The following IGF1R variants were observed in gnomAD, a reference collection of about 807,000 sequenced individuals.
IGF1R encodes the protein insulin like growth factor 1 receptor.
IGF1R carries 44 observed loss-of-function variants against 144.6 expected under a neutral mutation model. The observed-to-expected ratio is 0.30, with a 90% confidence interval of 0.24 to 0.39. IGF1R has a LOEUF of 0.39. Ranked by LOEUF, IGF1R falls within the 10% of genes least tolerant of loss-of-function variation. The pLI is 1.00. For synonymous variants in IGF1R, 795 were observed against 722.8 expected (o/e 1.10, Z -1.60); for missense variants, 1,355 against 1,833.7 (o/e 0.74, Z 4.77).
intron 2 of IGF1R, among the ~76,000 whole-genome samples, chr15:98,779,795 G>A (rs567551024): frequency 1.6e-4 from 24 of 152,300 alleles, no homozygotes; most frequent in Non-Finnish European, 3.1e-4. Context: ...GAGGGCACAC[G>A]AGAGCAGGCT....
intron 2 of IGF1R, among the ~76,000 whole-genome samples, chr15:98,870,653 C>T (rs564702833): frequency 1.4e-4 from 21 of 152,272 alleles, no homozygotes; most frequent in African/African-American, 4.3e-4. Flanking sequence ...GTACTGTCAG[C>T]GCTTCTGTGT....
intron 2 of IGF1R, among the ~76,000 whole-genome samples, chr15:98,799,648 C>G (rs2056319922): frequency 6.6e-6 from 1 of 152,070 alleles, no homozygotes; most frequent in Admixed American, 6.6e-5. Context: ...CATGGGGGAC[C>G]GAGTGTGGTA....
At chr15:98,770,629 G>T (rs1252392294) in intron 2 of IGF1R, among the ~76,000 whole-genome samples, 2 of 152,136 alleles carry the variant, frequency 1.3e-5, no homozygotes, top group Admixed American at 1.3e-4. Flanking sequence ...ATAGGTGTAG[G>T]CATAGATTTT....
At chr15:98,655,114 G>A (rs1314779030) in intron 1 of IGF1R, among the ~76,000 whole-genome samples, 1 of 152,160 alleles carries the variant, frequency 6.6e-6, no homozygotes, top group Non-Finnish European at 1.5e-5. Flanking sequence ...CCCCATCCCC[G>A]AGGGTCTGGA....
chr15:98,657,456 T>G (rs997167316), intron 1 of IGF1R, among the ~76,000 whole-genome samples: 1 of 152,244 alleles, frequency 6.6e-6, no homozygotes, highest in Admixed American at 6.5e-5. Context: ...GTATTTATTC[T>G]CTTTACCTAA....
At chr15:98,765,256 G>A (rs1158317783) in intron 2 of IGF1R, among the ~76,000 whole-genome samples, 12 of 149,506 alleles carry the variant, frequency 8.0e-5, no homozygotes, top group African/African-American at 2.7e-4. Context: ...TTCTGAGATG[G>A]ATGTAAACTT....
intron 13 of IGF1R, among the ~76,000 whole-genome samples, chr15:98,927,853 C>T (rs1189819037): frequency 1.3e-5 from 2 of 152,178 alleles, no homozygotes; most frequent in Admixed American, 6.5e-5. Flanking sequence ...TTAATGTTTA[C>T]TTGATCCCCA....
intron 2 of IGF1R, among the ~76,000 whole-genome samples, chr15:98,722,561 C>T (rs1010736142): frequency 1.1e-4 from 17 of 152,264 alleles, no homozygotes; most frequent in African/African-American, 3.9e-4. Flanking sequence ...GCCCTCAAGC[C>T]GGTTTGGCTT....
rs530585203 is a variant in IGF1R, at chr15:98,747,695, T to C, written c.640+39588T>C. Reference sequence around the variant, plus strand: ...GATTTTTAAAAAAGCCTCTGGACAGTGAGTTAAATGGTGGGTTGACACTCT... The same window carrying C: ...GATTTTTAAAAAAGCCTCTGGACAGCGAGTTAAATGGTGGGTTGACACTCT... On this transcript the variant is annotated intron_variant, in intron 2 of 20. Coordinates refer to ENST00000650285, the MANE Select transcript of IGF1R (RefSeq NM_000875.5). Among the ~76,000 whole-genome samples the C allele has an allele frequency of 5.9e-5, 9 of 152,232 alleles. 1 individual carries two copies. In the South Asian group the frequency reaches 1.9e-3, roughly 32 times the overall value.
At chr15:98,955,867 GT>G (rs1433198955) in intron 20 of IGF1R, among the ~76,000 whole-genome samples, 1 of 152,258 alleles carries the variant, frequency 6.6e-6, no homozygotes, top group Non-Finnish European at 1.5e-5. Flanking sequence ...AGAGTTCTGT[GT>G]GGCCACTTTT....
At chr15:98,651,232 A>G (rs1017592084) in intron 1 of IGF1R, among the ~76,000 whole-genome samples, 1 of 152,194 alleles carries the variant, frequency 6.6e-6, no homozygotes, top group Non-Finnish European at 1.5e-5. Context: ...GTTTCTATAA[A>G]CAAATCCTTA....
At chr15:98,807,417 T>A (rs1376762381) in intron 2 of IGF1R, among the ~76,000 whole-genome samples, 1 of 152,244 alleles carries the variant, frequency 6.6e-6, no homozygotes, top group African/African-American at 2.4e-5. Flanking sequence ...TTGTGCAACA[T>A]TATGCAATAA....
chr15:98,691,406 C>T (rs2053474097), intron 1 of IGF1R, among the ~76,000 whole-genome samples: 2 of 150,632 alleles, frequency 1.3e-5, no homozygotes, highest in South Asian at 4.2e-4. Context: ...ACTCGTCTCC[C>T]AAGCTGGAGT....
intron 3 of IGF1R, among the ~76,000 whole-genome samples, chr15:98,892,527 CAAAAAAA>C (rs368474118): frequency 4.0e-5 from 3 of 75,600 alleles, no homozygotes; most frequent in Admixed American, 1.3e-4. Context: ...ACTCTGTCTC[CAAAAAAA>C]AAAAAAAAAA....
At chr15:98,717,040 T>G (rs934200300) in intron 2 of IGF1R, among the ~76,000 whole-genome samples, 1 of 152,202 alleles carries the variant, frequency 6.6e-6, no homozygotes, top group Non-Finnish European at 1.5e-5. Flanking sequence ...TTCCCCTGCT[T>G]GTTTTCCCCA....
intron 1 of IGF1R, among the ~76,000 whole-genome samples, chr15:98,652,662 A>G (rs751675979): frequency 3.6e-4 from 55 of 152,230 alleles, no homozygotes; most frequent in Admixed American, 1.3e-3. Flanking sequence ...CAGTCACAAA[A>G]GACCACATAT....
intron 2 of IGF1R, among the ~76,000 whole-genome samples, chr15:98,884,040 G>A (rs2013514635): frequency 6.6e-6 from 1 of 152,126 alleles, no homozygotes; most frequent in Admixed American, 6.5e-5. Context: ...ACATGGGTCT[G>A]GGAATTCACA....
At chr15:98,885,079 C>T (rs936984225) in intron 2 of IGF1R, among the ~76,000 whole-genome samples, 11 of 152,290 alleles carry the variant, frequency 7.2e-5, no homozygotes, top group African/African-American at 2.6e-4. Context: ...CTCACTTGTC[C>T]AGCTTTGGCC....
At chr15:98,811,337 G>A (rs1308848304) in intron 2 of IGF1R, among the ~76,000 whole-genome samples, 4 of 149,330 alleles carry the variant, frequency 2.7e-5, no homozygotes, top group Admixed American at 1.3e-4. Context: ...TGGCTAACAC[G>A]GTGAAACCCC....
Sources: gnomAD v4.1 joint callset for allele counts (sites outside exome capture counted in the v4.1 genomes callset) on GRCh38, gnomAD v4.1.1 for gene constraint, MANE v1.5 for transcripts, NCBI Gene and HGNC (gene_info 2026-07-23, HGNC 2026-07-21) for gene names.